The following ADK variants were observed in gnomAD, a reference collection of about 807,000 sequenced individuals.
ADK encodes N6,N6-dimethyladenosine kinase.
A neutral mutation model predicts 44.7 loss-of-function variants in ADK; 24 were observed. That is an observed-to-expected ratio of 0.54 (90% CI 0.39 to 0.76). The LOEUF (loss-of-function observed/expected upper bound fraction) is 0.76. ADK is among the 30% of genes least tolerant of loss of function. The pLI is 0.00. For synonymous variants in ADK, 128 were observed against 142.6 expected, an observed-to-expected ratio of 0.90 and a Z score of 0.73; for missense variants, 321 against 425.1, an observed-to-expected ratio of 0.76 and a Z score of 2.15.
chr10:74,349,544 G>A lies in ADK; in HGVS notation c.273+34799G>A, dbSNP rs138134188. Among the ~76,000 whole-genome samples, 56 of 152,224 alleles carry A rather than the reference G, an allele frequency of 3.7e-4. 1 individual carries two copies. In the East Asian group the frequency reaches 9.3e-3, roughly 25 times the overall value. Reference sequence around the variant, plus strand: ...TAACCTGCTAACATCATGATGACAGGATCAAATTCATGTATAATAATATTA... The same window carrying A: ...TAACCTGCTAACATCATGATGACAGAATCAAATTCATGTATAATAATATTA... On this transcript the variant is annotated intron_variant, in intron 4 of 10. Transcript: ENST00000539909.
At chr10:74,402,448 C>CT (rs928468465) in intron 6 of ADK, among the ~76,000 whole-genome samples, 17 of 151,406 alleles carry the variant, frequency 1.1e-4, no homozygotes, top group Non-Finnish European at 1.5e-4. Flanking sequence ...TCTTTTTACT[C>CT]TTTTTTTTTC....
chr10:74,589,811 A>G (rs1366910007), intron 8 of ADK, among the ~76,000 whole-genome samples: 1 of 152,232 alleles, frequency 6.6e-6, no homozygotes, highest in Non-Finnish European at 1.5e-5. Flanking sequence ...GGAACTGATT[A>G]ATTTAAATCC....
At chr10:74,240,934 C>A (rs1384841453) in intron 3 of ADK, among the ~76,000 whole-genome samples, 1 of 152,142 alleles carries the variant, frequency 6.6e-6, no homozygotes, top group Admixed American at 6.5e-5. Flanking sequence ...TCAGGTTTCA[C>A]TATCTGGGAA....
chr10:74,388,060 C>T (rs1446001798), intron 4 of ADK, among the ~76,000 whole-genome samples: 1 of 152,122 alleles, frequency 6.6e-6, no homozygotes, highest in Non-Finnish European at 1.5e-5. Flanking sequence ...AGGCATGCGC[C>T]ACTATGCCTG....
At chr10:74,174,188 G>A (rs1158533253) in intron 1 of ADK, among the ~76,000 whole-genome samples, 1 of 150,676 alleles carries the variant, frequency 6.6e-6, no homozygotes, top group African/African-American at 2.4e-5. Context: ...CGTGCCTTTA[G>A]TCCCAGCTAC....
chr10:74,394,041 C>G, intron 4 of ADK, 100 bp from the exon 5 acceptor site: 2 of 1,225,784 alleles, frequency 1.6e-6, no homozygotes, highest in Non-Finnish European at 2.4e-6. Context: ...GCTACAGTTT[C>G]TCACAAAGCA....
intron 2 of ADK, among the ~76,000 whole-genome samples, chr10:74,216,306 G>A (rs186481451): frequency 9.2e-4 from 140 of 151,772 alleles, no homozygotes; most frequent in Middle Eastern, 3.4e-3. Context: ...ATTAGCACAC[G>A]GTAAAATAAC....
intron 7 of ADK, among the ~76,000 whole-genome samples, chr10:74,555,666 A>G (rs1364795690): frequency 6.6e-6 from 1 of 152,162 alleles, no homozygotes; most frequent in Non-Finnish European, 1.5e-5. Context: ...AGTTAAATGT[A>G]TACTGTTATG....
At chr10:74,616,453 A>G (rs1319918443) in intron 9 of ADK, among the ~76,000 whole-genome samples, 1 of 152,188 alleles carries the variant, frequency 6.6e-6, no homozygotes, top group Non-Finnish European at 1.5e-5. Flanking sequence ...TGAATAACCA[A>G]TTGACCTGGC....
chr10:74,247,442 G>A (rs1845467986), intron 3 of ADK, among the ~76,000 whole-genome samples: 2 of 151,174 alleles, frequency 1.3e-5, no homozygotes, highest in Admixed American at 6.6e-5. Context: ...ATTTTTTGTT[G>A]CCCAGGCTGG....
intron 2 of ADK, among the ~76,000 whole-genome samples, chr10:74,206,394 G>A (rs921219911): frequency 6.6e-6 from 1 of 152,186 alleles, no homozygotes; most frequent in Admixed American, 6.5e-5. Flanking sequence ...AGCTTTGATT[G>A]GTGAGTGACT....
chr10:74,179,775 C>T (rs530986355), intron 1 of ADK, among the ~76,000 whole-genome samples: 46 of 152,330 alleles, frequency 3.0e-4, no homozygotes, highest in African/African-American at 9.1e-4. Flanking sequence ...AGCCCATACC[C>T]GTGCTCTGTC....
chr10:74,558,522 GCTCT>G (rs904511610), intron 7 of ADK, among the ~76,000 whole-genome samples: 36 of 152,298 alleles, frequency 2.4e-4, no homozygotes, highest in African/African-American at 6.3e-4. Flanking sequence ...TCCTGCTCGT[GCTCT>G]CTGTCTCTCC....
chr10:74,666,420 ATTTAGTGG>A (rs1273148105), intron 9 of ADK, among the ~76,000 whole-genome samples: 1 of 152,150 alleles, frequency 6.6e-6, no homozygotes, highest in Admixed American at 6.5e-5. Flanking sequence ...GAAGCTTATG[ATTTAGTGG>A]TTTTTTAGAA....
intron 4 of ADK, among the ~76,000 whole-genome samples, chr10:74,376,852 C>T (rs943424631): frequency 7.5e-5 from 11 of 146,242 alleles, no homozygotes; most frequent in Admixed American, 2.1e-4. Context: ...AGGAGAATAT[C>T]TCACTTTCTG....
chr10:74,574,893 C>CTAA, intron 7 of ADK, among the ~76,000 whole-genome samples: 1 of 152,254 alleles, frequency 6.6e-6, no homozygotes, highest in East Asian at 1.9e-4. Context: ...TTAACTCATT[C>CTAA]TAATGCACAT....
intron 3 of ADK, among the ~76,000 whole-genome samples, chr10:74,314,148 TG>T (rs1321067877): frequency 4.6e-5 from 7 of 152,248 alleles, no homozygotes; most frequent in Middle Eastern, 3.4e-3. Context: ...GAAGAGGAAA[TG>T]AACATATACT....
intron 6 of ADK, among the ~76,000 whole-genome samples, chr10:74,484,003 T>C (rs1847173046): frequency 6.6e-6 from 1 of 152,218 alleles, no homozygotes; most frequent in South Asian, 2.1e-4. Flanking sequence ...TGTTACACTG[T>C]TCCAACGTTG....
chr10:74,549,526 C>G (rs1245758694), intron 7 of ADK, among the ~76,000 whole-genome samples: 1 of 152,174 alleles, frequency 6.6e-6, no homozygotes, highest in Non-Finnish European at 1.5e-5. Context: ...GTCTCAACTT[C>G]CCAGGCTCAG....
Sources: allele counts gnomAD v4.1 joint callset (sites outside exome capture counted in the v4.1 genomes callset), GRCh38; gene constraint gnomAD v4.1.1; transcripts MANE v1.5; gene names NCBI Gene and HGNC (gene_info 2026-07-23, HGNC 2026-07-21).